ELOVL6: variants seen among roughly 807,000 people sequenced by gnomAD.
ELOVL6 encodes the protein very long chain fatty acid elongase 6.
In ELOVL6, 8 loss-of-function variants were observed where a neutral mutation model predicts 31.7. The ratio of observed to expected loss-of-function variants is 0.25; its 90% confidence interval spans 0.15 to 0.45. The LOEUF (loss-of-function observed/expected upper bound fraction) is 0.45, where lower values mean the gene tolerates loss of function less well. Among genes scored for constraint, ELOVL6 ranks in the 20% least tolerant of loss-of-function variants. The probability of loss-of-function intolerance (pLI) is 1.00; values close to 1 mark genes in which losing one functional copy is unlikely to be tolerated. For synonymous variants in ELOVL6, 101 were observed against 117.7 expected, an observed-to-expected ratio of 0.86 and a Z score of 0.92; for missense variants, 126 against 326.4, an observed-to-expected ratio of 0.39 and a Z score of 4.73.
chr4:110,177,171 G>A (rs1759132266), intron 1 of ELOVL6, among the ~76,000 whole-genome samples: 1 of 152,272 alleles, frequency 6.6e-6, no homozygotes. Context: ...AGGCATGTTG[G>A]CTCATGCTTG....
chr4:110,170,027 C>G (rs945485568), intron 1 of ELOVL6, among the ~76,000 whole-genome samples: 4 of 151,122 alleles, frequency 2.6e-5, no homozygotes, highest in African/African-American at 9.8e-5. Context: ...GTTGGCCAGA[C>G]TGGCCTCGAA....
intron 1 of ELOVL6, among the ~76,000 whole-genome samples, chr4:110,131,992 G>C (rs1237168254): frequency 2.0e-5 from 3 of 152,218 alleles, no homozygotes; most frequent in African/African-American, 7.2e-5. Context: ...TGCTTCTGCA[G>C]GAGGAAAGCT....
At chr4:110,097,305 C>CAAAAAAAAAAAAAAAA (rs33970271) in intron 2 of ELOVL6, among the ~76,000 whole-genome samples, 24 of 88,670 alleles carry the variant, frequency 2.7e-4, no homozygotes, top group East Asian at 1.2e-3. Context: ...ACTCCATCTC[C>CAAAAAAAAAAAAAAAA]AAAAAAAAAA....
chr4:110,160,136 A>C (rs892476010), intron 1 of ELOVL6, among the ~76,000 whole-genome samples: 1 of 151,946 alleles, frequency 6.6e-6, no homozygotes, highest in South Asian at 2.1e-4. Flanking sequence ...ACACACAAAC[A>C]CTATTGGATG....
chr4:110,102,529 C>T (rs1234572518), intron 2 of ELOVL6, among the ~76,000 whole-genome samples: 6 of 151,986 alleles, frequency 3.9e-5, no homozygotes, highest in Admixed American at 3.9e-4. Context: ...CGTGGTGGTA[C>T]ATGCCCATAG....
intron 2 of ELOVL6, among the ~76,000 whole-genome samples, chr4:110,084,279 CAT>C (rs71981400): frequency 0.023 from 2,659 of 117,408 alleles, 523 homozygotes; most frequent in African/African-American, 0.084. Flanking sequence ...TGATATATAA[CAT>C]ATATAACTTA....
At chr4:110,130,932 A>G (rs555434917) in intron 1 of ELOVL6, among the ~76,000 whole-genome samples, 1 of 152,364 alleles carries the variant, frequency 6.6e-6, no homozygotes, top group East Asian at 1.9e-4. Context: ...TCAAGGAAAC[A>G]TGTAAGTTTA....
chr4:110,172,460 A>G (rs10008897), intron 1 of ELOVL6, among the ~76,000 whole-genome samples: 18,941 of 152,162 alleles, frequency 0.12, 1,277 homozygotes, highest in African/African-American at 0.15. Context: ...GTGTTTGCTA[A>G]TTCAGTACCC....
intron 1 of ELOVL6, among the ~76,000 whole-genome samples, chr4:110,152,521 C>T (rs918877946): frequency 4.5e-4 from 68 of 152,248 alleles, no homozygotes; most frequent in African/African-American, 1.6e-3. Flanking sequence ...GATAGTGCCA[C>T]GCCCGGCCTT....
At chr4:110,066,796 C>T (rs1409241740) in intron 2 of ELOVL6, among the ~76,000 whole-genome samples, 6 of 152,042 alleles carry the variant, frequency 3.9e-5, no homozygotes, top group East Asian at 3.9e-4. Flanking sequence ...ATGTGCAGAA[C>T]GTGCAGGTTT....
At chr4:110,057,340 T>G (rs1277169897) in intron 3 of ELOVL6, among the ~76,000 whole-genome samples, 2 of 150,150 alleles carry the variant, frequency 1.3e-5, no homozygotes, top group African/African-American at 2.5e-5. Flanking sequence ...AAAAAAAAAT[T>G]GAGGGGGAAG....
chr4:110,084,414 C>CATGATATATCATAT (rs1756131416), intron 2 of ELOVL6, among the ~76,000 whole-genome samples: 1 of 22,900 alleles, frequency 4.4e-5, no homozygotes, highest in African/African-American at 1.5e-4. Flanking sequence ...ATATGACATA[C>CATGATATATCATAT]ATGATATATC....
At chr4:110,088,787 G>T (rs1056684379) in intron 2 of ELOVL6, among the ~76,000 whole-genome samples, 2 of 152,192 alleles carry the variant, frequency 1.3e-5, no homozygotes, top group African/African-American at 4.8e-5. Flanking sequence ...TGACTCACAG[G>T]TGTGAATCTG....
chr4:110,066,625 ACT>A, intron 2 of ELOVL6, among the ~76,000 whole-genome samples: 2 of 121,166 alleles, frequency 1.7e-5, no homozygotes, highest in East Asian at 4.9e-4. Flanking sequence ...GGCGACAGAG[ACT>A]CTGTCTCAAC....
At position 110,108,722 on chromosome 4, in the gene ELOVL6, T is replaced by C. The variant is rs184398667; in HGVS notation, c.90-3094A>G. Among the ~76,000 whole-genome samples the C allele has an allele frequency of 3.0e-3, 453 of 152,332 alleles. 1 individual carries two copies. Among genetic ancestry groups the C allele is most frequent in the African/African-American group, 0.011 (442 of 41,574 alleles). On this transcript the variant is annotated intron_variant, in intron 1 of 3. Transcript: ENST00000302274. ...ATTGTCATGGCTGTGGTCAAGCAGGTAGGTAAACACAAAATAATTGTATAA... is the reference window on the plus strand; with the variant it reads ...ATTGTCATGGCTGTGGTCAAGCAGGCAGGTAAACACAAAATAATTGTATAA...
In ELOVL6 at chr4:110,074,114, A is replaced by G. The variant is rs529521677; in HGVS notation, c.222-14360T>C. On this transcript the variant is annotated intron_variant, in intron 2 of 3. Transcript: ENST00000302274. ...CAGGTTCTAAATATAGTAATTCCTC[A>G]ATATCAGGGAGACTTGTCCCAGGAA... 3.4e-4 allele frequency among the ~76,000 whole-genome samples: 52 copies of G among 152,314 alleles called. 1 individual carries two copies. The South Asian group carries it at 0.01, about 30-fold the overall frequency.
chr4:110,095,117 G>A (rs1756541304), intron 2 of ELOVL6, among the ~76,000 whole-genome samples: 1 of 152,206 alleles, frequency 6.6e-6, no homozygotes, highest in Non-Finnish European at 1.5e-5. Flanking sequence ...TTAAGTCTAA[G>A]CAATAACTAA....
intron 2 of ELOVL6, among the ~76,000 whole-genome samples, chr4:110,100,676 T>C (rs1217044118): frequency 1.3e-5 from 2 of 152,208 alleles, no homozygotes; most frequent in Non-Finnish European, 2.9e-5. Flanking sequence ...TACACAAAAA[T>C]TCCTCTTTTT....
At chr4:110,193,500 G>GTAATCCC (rs1759684844) in intron 1 of ELOVL6, among the ~76,000 whole-genome samples, 1 of 152,122 alleles carries the variant, frequency 6.6e-6, no homozygotes, top group African/African-American at 2.4e-5. Context: ...AGCTGCTTGG[G>GTAATCCC]AGGTTGAGAC....
Sources: gnomAD v4.1 joint callset for allele counts (sites outside exome capture counted in the v4.1 genomes callset) on GRCh38, gnomAD v4.1.1 for gene constraint, MANE v1.5 for transcripts, NCBI Gene and HGNC (gene_info 2026-07-23, HGNC 2026-07-21) for gene names.